The following PDE8B variants were observed in gnomAD, a reference collection of about 807,000 sequenced individuals.
PDE8B encodes high affinity cAMP-specific and IBMX-insensitive 3',5'-cyclic phosphodiesterase 8B.
In PDE8B, 26 loss-of-function variants were observed where a neutral mutation model predicts 101.3. That is an observed-to-expected ratio of 0.26 (90% CI 0.19 to 0.36). The LOEUF (loss-of-function observed/expected upper bound fraction) is 0.36, where lower values mean the gene tolerates loss of function less well. Ranked by LOEUF, PDE8B falls within the 10% of genes least tolerant of loss-of-function variation. The probability of loss-of-function intolerance (pLI) is 1.00; values close to 1 mark genes in which losing one functional copy is unlikely to be tolerated. For missense variants in PDE8B, 810 were observed against 1,163.1 expected (o/e 0.70, Z 4.42); for synonymous variants, 424 against 429.3 (o/e 0.99, Z 0.15).
At chr5:77,248,497 C>T (rs935453689) in intron 1 of PDE8B, among the ~76,000 whole-genome samples, 10 of 152,078 alleles carry the variant, frequency 6.6e-5, no homozygotes, top group African/African-American at 2.4e-5. Context: ...ATCCACAACA[C>T]GGATCATTGG....
the PDE8B span, among the ~76,000 whole-genome samples, chr5:77,127,244 T>A: frequency 6.6e-6 from 1 of 152,108 alleles, no homozygotes; most frequent in Non-Finnish European, 1.5e-5. Flanking sequence ...GTAATCCCCA[T>A]GTGTTGAGGG....
chr5:77,412,322 T>G, intron 16 of PDE8B, 87 bp downstream of exon 16: 2 of 1,440,712 alleles, frequency 1.4e-6, no homozygotes, highest in South Asian at 1.2e-5. Flanking sequence ...GAGACATGTT[T>G]TTGCTGTGAG....
At chr5:77,161,958 A>AT in the PDE8B span, among the ~76,000 whole-genome samples, 2 of 149,070 alleles carry the variant, frequency 1.3e-5, no homozygotes, top group African/African-American at 2.5e-5. Flanking sequence ...ATCTTGTTTA[A>AT]TTTTTTTTCT....
the PDE8B span, among the ~76,000 whole-genome samples, chr5:77,173,510 A>C: frequency 1.3e-5 from 2 of 152,204 alleles, no homozygotes; most frequent in Non-Finnish European, 2.9e-5. Context: ...CTTGAGGATT[A>C]TGACTGGTAA....
intron 14 of PDE8B, 73 bp from the exon 15 acceptor site, chr5:77,411,603 C>T (rs1280249686): frequency 8.0e-7 from 1 of 1,253,764 alleles, no homozygotes. Context: ...ATCTCTTTCA[C>T]TAATAATAAA....
the PDE8B span, among the ~76,000 whole-genome samples, chr5:77,095,231 G>A: frequency 2.1e-4 from 32 of 152,128 alleles, no homozygotes; most frequent in Admixed American, 1.2e-3. Context: ...AGATGTCATC[G>A]TTGTTTGGCC....
At chr5:77,297,024 A>T (rs1768735839) in intron 1 of PDE8B, among the ~76,000 whole-genome samples, 2 of 152,168 alleles carry the variant, frequency 1.3e-5, no homozygotes, top group Admixed American at 1.3e-4. Flanking sequence ...TTTTGAAAGG[A>T]CTAGAGACAT....
the PDE8B span, among the ~76,000 whole-genome samples, chr5:77,174,327 G>A: frequency 3.3e-5 from 5 of 152,108 alleles, no homozygotes; most frequent in Admixed American, 6.6e-5. Context: ...CACTGAGTCA[G>A]TCACCCACTC....
chr5:77,116,954 C>T, the PDE8B span, among the ~76,000 whole-genome samples: 10 of 152,164 alleles, frequency 6.6e-5, no homozygotes, highest in African/African-American at 2.4e-4. Context: ...AGTGCCCTTT[C>T]CCCCCAGGCT....
intron 10 of PDE8B, among the ~76,000 whole-genome samples, chr5:77,370,501 T>A (rs1272202501): frequency 6.6e-6 from 1 of 152,248 alleles, no homozygotes; most frequent in Non-Finnish European, 1.5e-5. Flanking sequence ...GGTTGCTTTT[T>A]ACTGCTGAGC....
At chr5:77,223,379 C>T (rs1751620019) in intron 1 of PDE8B, among the ~76,000 whole-genome samples, 1 of 100,118 alleles carries the variant, frequency 1.0e-5, no homozygotes, top group African/African-American at 3.9e-5. Context: ...TGCTATCCCT[C>T]CCCCCTCCCC....
At chr5:77,341,224 G>A (rs1166906531) in intron 6 of PDE8B, among the ~76,000 whole-genome samples, 1 of 152,142 alleles carries the variant, frequency 6.6e-6, no homozygotes, top group Admixed American at 6.6e-5. Context: ...GAGGTTGAGA[G>A]CCTGAATAAA....
At chr5:77,214,141 GT>G (rs1580349682) in intron 1 of PDE8B, among the ~76,000 whole-genome samples, 2 of 152,282 alleles carry the variant, frequency 1.3e-5, no homozygotes, top group East Asian at 3.9e-4. Context: ...TGTAATTCTT[GT>G]TCAGAAATCC....
intron 9 of PDE8B, among the ~76,000 whole-genome samples, chr5:77,352,215 C>T (rs553089938): frequency 7.2e-5 from 11 of 152,304 alleles, no homozygotes; most frequent in African/African-American, 2.6e-4. Flanking sequence ...CTGGCCTCAG[C>T]GTGGCCATTC....
At chr5:77,276,378 CATCCAGAGTG>C (rs1763851721) in intron 1 of PDE8B, among the ~76,000 whole-genome samples, 1 of 152,212 alleles carries the variant, frequency 6.6e-6, no homozygotes, top group Non-Finnish European at 1.5e-5. Context: ...AGGATCACCT[CATCCAGAGTG>C]TCTTCTCCCT....
the PDE8B span, among the ~76,000 whole-genome samples, chr5:77,104,324 T>C: frequency 2.0e-5 from 3 of 152,190 alleles, no homozygotes; most frequent in Admixed American, 2.0e-4. Context: ...CAATGGGCAG[T>C]GCTATGGTTT....
rs114758025 is a variant in PDE8B, at chr5:77,308,491, C to T, written c.340-3503C>T. Among the ~76,000 whole-genome samples the T allele has an allele frequency of 6.6e-3, 1,001 of 152,194 alleles. 15 individuals are homozygous for T. Among genetic ancestry groups the T allele is most frequent in the African/African-American group, 0.023 (954 of 41,532 alleles). ...AGCAGCAACTTTACAGCCCCACTTCCGGGCTCTGCTGTCCTCCCACGAGCT... is the reference window on the plus strand; with the variant it reads ...AGCAGCAACTTTACAGCCCCACTTCTGGGCTCTGCTGTCCTCCCACGAGCT... On this transcript the variant is annotated intron_variant, in intron 1 of 21. Coordinates refer to ENST00000264917, the MANE Select transcript of PDE8B (RefSeq NM_003719.5).
chr5:77,370,261 C>T (rs557347818), intron 10 of PDE8B, among the ~76,000 whole-genome samples: 25 of 152,270 alleles, frequency 1.6e-4, no homozygotes, highest in African/African-American at 5.3e-4. Flanking sequence ...CCTAAGAAGA[C>T]GTAGAACATC....
intron 1 of PDE8B, among the ~76,000 whole-genome samples, chr5:77,287,003 A>G (rs1335011702): frequency 2.0e-5 from 3 of 152,118 alleles, no homozygotes; most frequent in Non-Finnish European, 2.9e-5. Context: ...CGTGCATTTT[A>G]ATTCTATGTA....
Sources: allele counts gnomAD v4.1 joint callset (sites outside exome capture counted in the v4.1 genomes callset), GRCh38; gene constraint gnomAD v4.1.1; transcripts MANE v1.5; gene names NCBI Gene and HGNC (gene_info 2026-07-23, HGNC 2026-07-21).